The following CDH8 variants were observed in gnomAD, a reference collection of about 807,000 sequenced individuals.
The protein encoded by CDH8 is cadherin-8.
A neutral mutation model predicts 68.1 loss-of-function variants in CDH8; 17 were observed. The observed-to-expected ratio is 0.25, with a 90% confidence interval of 0.17 to 0.37. The LOEUF (loss-of-function observed/expected upper bound fraction) is 0.37. CDH8 is among the 10% of genes least tolerant of loss of function. The pLI is 1.00. For synonymous variants in CDH8, 372 were observed against 365.1 expected, an observed-to-expected ratio of 1.02 and a Z score of -0.21; for missense variants, 763 against 999.3, an observed-to-expected ratio of 0.76 and a Z score of 3.19.
intron 2 of CDH8, among the ~76,000 whole-genome samples, chr16:61,971,975 T>C (rs1278985467): frequency 2.0e-5 from 3 of 152,010 alleles, no homozygotes; most frequent in African/African-American, 7.2e-5. Context: ...AAGAAAAAAA[T>C]AAACAAAACT....
intron 3 of CDH8, among the ~76,000 whole-genome samples, chr16:61,890,752 T>C (rs989104040): frequency 2.0e-5 from 3 of 152,158 alleles, no homozygotes; most frequent in Non-Finnish European, 4.4e-5. Context: ...TCACATTTTC[T>C]TGTGATTTAT....
intron 2 of CDH8, among the ~76,000 whole-genome samples, chr16:61,942,348 T>G (rs1964737928): frequency 1.3e-5 from 2 of 151,942 alleles, no homozygotes; most frequent in Non-Finnish European, 2.9e-5. Context: ...AAATAAAAAA[T>G]TAGCTGGGTG....
chr16:61,683,818 A>G (rs1047309652), intron 10 of CDH8, among the ~76,000 whole-genome samples: 2 of 152,050 alleles, frequency 1.3e-5, no homozygotes, highest in Non-Finnish European at 2.9e-5. Flanking sequence ...GCATTATTTC[A>G]ATCACCTTCA....
At chr16:61,836,501 C>G (rs1380574192) in intron 4 of CDH8, among the ~76,000 whole-genome samples, 1 of 152,038 alleles carries the variant, frequency 6.6e-6, no homozygotes, top group Non-Finnish European at 1.5e-5. Context: ...ACTACAACCC[C>G]TAAGACTACA....
intron 4 of CDH8, among the ~76,000 whole-genome samples, chr16:61,854,956 A>T (rs1203999526): frequency 6.6e-6 from 1 of 152,126 alleles, no homozygotes; most frequent in East Asian, 1.9e-4. Context: ...TTCCACTCAT[A>T]CATATTTATG....
intron 4 of CDH8, among the ~76,000 whole-genome samples, chr16:61,833,733 G>T (rs552433536): frequency 6.6e-6 from 1 of 151,836 alleles, no homozygotes; most frequent in African/African-American, 2.4e-5. Flanking sequence ...ACAATTTTGC[G>T]TGGATAATAC....
rs1315121902 is a variant in CDH8, at chr16:61,648,615, A to C, written c.*4993T>G. ...TCAAATAGTATTTATCCATAGATAA[A>C]AAAAAAATTCAACAATTAGTTCTTA... is the stretch of plus-strand genomic sequence containing the variant. On this transcript the variant is annotated 3_prime_UTR_variant, in exon 12 of 12. Coordinates refer to ENST00000577390, the MANE Select transcript of CDH8 (RefSeq NM_001796.5). 1 of 151,922 alleles carries C rather than the reference A, an allele frequency of 6.6e-6. No individual in the cohort carries two copies. Among genetic ancestry groups the C allele is most frequent in the African/African-American group, 2.4e-5 (1 of 41,430 alleles). The allele number at this position is 151,922 out of a possible 1,614,324, so 9.4% of individuals were successfully genotyped here.
At chr16:61,769,414 G>T (rs1960721396) in intron 8 of CDH8, among the ~76,000 whole-genome samples, 1 of 151,824 alleles carries the variant, frequency 6.6e-6, no homozygotes, top group South Asian at 2.1e-4. Context: ...TAAAAGGAAT[G>T]AGTACTTTGA....
intron 4 of CDH8, among the ~76,000 whole-genome samples, chr16:61,855,438 G>GA (rs1198705743): frequency 6.6e-6 from 1 of 152,052 alleles, no homozygotes; most frequent in Non-Finnish European, 1.5e-5. Flanking sequence ...ATTTATGGTG[G>GA]AAAAAGTCTG....
At chr16:61,911,630 C>A (rs200455259) in intron 2 of CDH8, among the ~76,000 whole-genome samples, 3 of 147,574 alleles carry the variant, frequency 2.0e-5, no homozygotes, top group Non-Finnish European at 3.1e-5. Context: ...TAAACCCCCC[C>A]CCACCACCTC....
intron 8 of CDH8, among the ~76,000 whole-genome samples, chr16:61,770,476 A>G (rs1292703341): frequency 1.3e-5 from 2 of 151,856 alleles, no homozygotes; most frequent in Admixed American, 6.6e-5. Context: ...TTGTTAGTCT[A>G]TTACTCATTC....
intron 4 of CDH8, among the ~76,000 whole-genome samples, chr16:61,843,529 T>A (rs1962732740): frequency 6.6e-6 from 1 of 152,154 alleles, no homozygotes; most frequent in African/African-American, 2.4e-5. Flanking sequence ...GAAACCTAAC[T>A]CTGACTCCTA....
intron 8 of CDH8, among the ~76,000 whole-genome samples, chr16:61,766,394 T>C (rs942311192): frequency 1.3e-5 from 2 of 152,028 alleles, no homozygotes; most frequent in African/African-American, 4.8e-5. Context: ...CATTGTTTGA[T>C]GGACACTTAT....
chr16:61,996,026 G>A (rs919480687), intron 2 of CDH8, among the ~76,000 whole-genome samples: 2 of 152,124 alleles, frequency 1.3e-5, no homozygotes, highest in Non-Finnish European at 2.9e-5. Context: ...GTCCGGTTAG[G>A]CAGCTTTAAA....
intron 10 of CDH8, among the ~76,000 whole-genome samples, chr16:61,694,656 C>T (rs1287685787): frequency 6.6e-6 from 1 of 152,064 alleles, no homozygotes; most frequent in Non-Finnish European, 1.5e-5. Context: ...GATCCTGCCT[C>T]TGGTTCTGTT....
intron 10 of CDH8, among the ~76,000 whole-genome samples, chr16:61,679,110 G>A (rs1021774858): frequency 6.6e-6 from 1 of 151,990 alleles, no homozygotes; most frequent in Non-Finnish European, 1.5e-5. Flanking sequence ...AGTGACGTAC[G>A]TCATTTCCAG....
rs578117607 is a variant in CDH8, at chr16:61,943,445, CCTT to C, written c.253-41975_253-41973del. 2.4e-4 allele frequency among the ~76,000 whole-genome samples: 36 copies of C among 152,262 alleles called. No homozygotes were observed. In the East Asian group the frequency reaches 5.8e-3, roughly 24 times the overall value. On this transcript the variant is annotated intron_variant, in intron 2 of 11. Transcript: ENST00000577390. ...ATAAAATTCAGGGGATATATTCTGT[CCTT>C]CTTTAGATTAGTTTGGGATTCTGGA...
At chr16:61,762,342 T>C (rs1042691749) in intron 8 of CDH8, among the ~76,000 whole-genome samples, 1 of 152,174 alleles carries the variant, frequency 6.6e-6, no homozygotes, top group Non-Finnish European at 1.5e-5. Context: ...AAAACAACTA[T>C]GTAAAGGATA....
At chr16:61,691,587 C>T (rs1390654884) in intron 10 of CDH8, among the ~76,000 whole-genome samples, 2 of 147,432 alleles carry the variant, frequency 1.4e-5, no homozygotes, top group Admixed American at 6.7e-5. Flanking sequence ...GGGTGGAGTA[C>T]GATCTTTAGT....
Sources: gnomAD v4.1 joint callset for allele counts (sites outside exome capture counted in the v4.1 genomes callset) on GRCh38, gnomAD v4.1.1 for gene constraint, MANE v1.5 for transcripts, NCBI Gene and HGNC (gene_info 2026-07-23, HGNC 2026-07-21) for gene names.